Variants in LEKR1 observed in about 807,000 individuals in gnomAD.
LEKR1 encodes the protein protein LEKR1.
LEKR1 carries 59 observed loss-of-function variants against 72.4 expected under a neutral mutation model. The observed-to-expected ratio is 0.82, with a 90% CI of 0.66 to 1.01. The LOEUF (loss-of-function observed/expected upper bound fraction) is 1.01. LEKR1 is among the 50% of genes least tolerant of loss of function. The pLI, the probability that LEKR1 is intolerant of heterozygous loss-of-function variation, is 0.00. For missense variants in LEKR1, 728 were observed against 759.2 expected (o/e 0.96, Z 0.48); for synonymous variants, 257 against 263.2 (o/e 0.98, Z 0.23).
chr3:156,828,368 G>T (rs1391984758), intron 1 of LEKR1, among the ~76,000 whole-genome samples: 2 of 152,152 alleles, frequency 1.3e-5, no homozygotes, highest in East Asian at 1.9e-4. Context: ...ATCCTGCCCT[G>T]ATTGAATACA....
At chr3:156,887,424 A>G (rs1217699193) in intron 3 of LEKR1, among the ~76,000 whole-genome samples, 2 of 152,026 alleles carry the variant, frequency 1.3e-5, no homozygotes, top group Non-Finnish European at 2.9e-5. Flanking sequence ...CAAATTTTAC[A>G]TTAGTAAAAA....
intron 3 of LEKR1, among the ~76,000 whole-genome samples, chr3:156,883,655 T>C (rs59239896): frequency 0.025 from 3,782 of 152,240 alleles, 151 homozygotes; most frequent in East Asian, 0.16. Context: ...GATCTGATAG[T>C]TTTATAAGGG....
At chr3:156,921,698 A>G (rs543670745) in intron 4 of LEKR1, among the ~76,000 whole-genome samples, 1 of 152,228 alleles carries the variant, frequency 6.6e-6, no homozygotes, top group African/African-American at 2.4e-5. Context: ...GGCTTCTGTA[A>G]TAGCTTTGGC....
intron 6 of LEKR1, among the ~76,000 whole-genome samples, chr3:156,966,573 G>A (rs1440030719): frequency 4.6e-5 from 7 of 152,186 alleles, no homozygotes; most frequent in African/African-American, 7.2e-5. Context: ...TGGCAGTGAG[G>A]CTGGGGGAGG....
At chr3:156,844,868 G>A (rs1296084181) in intron 2 of LEKR1, among the ~76,000 whole-genome samples, 1 of 150,236 alleles carries the variant, frequency 6.7e-6, no homozygotes, top group Non-Finnish European at 1.5e-5. Flanking sequence ...GGGATAAATG[G>A]CCAAGAGTTC....
chr3:156,998,561 A>G (rs1381907498), intron 9 of LEKR1, among the ~76,000 whole-genome samples: 1 of 152,172 alleles, frequency 6.6e-6, no homozygotes, highest in Non-Finnish European at 1.5e-5. Flanking sequence ...GATGGGAACA[A>G]TGAAGAATGT....
intron 12 of LEKR1, among the ~76,000 whole-genome samples, chr3:157,029,525 G>A (rs1252577634): frequency 1.3e-5 from 2 of 152,108 alleles, no homozygotes; most frequent in Admixed American, 6.6e-5. Flanking sequence ...TTCTGCTTCT[G>A]TATTTCACAG....
chr3:156,925,060 AT>A (rs1297267042), intron 4 of LEKR1: 1 of 152,058 alleles, frequency 6.6e-6, no homozygotes, highest in Non-Finnish European at 1.5e-5. Context: ...GTATCTTTCA[AT>A]TCATGAATGT....
intron 3 of LEKR1, among the ~76,000 whole-genome samples, chr3:156,887,631 G>C (rs1720242700): frequency 7.0e-6 from 1 of 142,434 alleles, no homozygotes; most frequent in Non-Finnish European, 1.6e-5. Flanking sequence ...AATTGCTCAG[G>C]AGAGAGAGCA....
At chr3:156,909,746 A>C (rs991750690) in intron 3 of LEKR1, among the ~76,000 whole-genome samples, 2 of 151,964 alleles carry the variant, frequency 1.3e-5, no homozygotes, top group African/African-American at 4.8e-5. Flanking sequence ...GTATTAATAC[A>C]TCCCATTATG....
chr3:156,878,294 G>T (rs940820297), intron 3 of LEKR1, among the ~76,000 whole-genome samples: 1 of 151,942 alleles, frequency 6.6e-6, no homozygotes, highest in African/African-American at 2.4e-5. Context: ...CACTGTTTTT[G>T]CTGTATCCCA....
intron 3 of LEKR1, among the ~76,000 whole-genome samples, chr3:156,859,503 A>G (rs1716503365): frequency 6.6e-6 from 1 of 152,168 alleles, no homozygotes; most frequent in South Asian, 2.1e-4. Flanking sequence ...GAAAGTTTTC[A>G]TATAACACAG....
At chr3:156,902,763 T>C (rs1010261875) in intron 3 of LEKR1, among the ~76,000 whole-genome samples, 1 of 152,126 alleles carries the variant, frequency 6.6e-6, no homozygotes, top group African/African-American at 2.4e-5. Context: ...ATACAAATCA[T>C]GTTTCCTGTT....
chr3:156,899,339 TAC>T (rs1180338328), intron 3 of LEKR1, among the ~76,000 whole-genome samples: 5 of 122,576 alleles, frequency 4.1e-5, no homozygotes, highest in South Asian at 4.4e-4. Context: ...TATACATATA[TAC>T]ACATATATAC....
At chr3:156,991,500 A>G (rs1731142893) in intron 7 of LEKR1, among the ~76,000 whole-genome samples, 1 of 152,156 alleles carries the variant, frequency 6.6e-6, no homozygotes, top group African/African-American at 2.4e-5. Context: ...GTGATTTACA[A>G]GCTATTTTGA....
intron 10 of LEKR1, among the ~76,000 whole-genome samples, chr3:157,021,568 A>T (rs1051127834): frequency 2.6e-5 from 4 of 152,136 alleles, no homozygotes; most frequent in Non-Finnish European, 4.4e-5. Context: ...TCCTTCTGTC[A>T]TCTAATTTTT....
At chr3:156,846,013 A>G (rs1446236636) in intron 2 of LEKR1, among the ~76,000 whole-genome samples, 1 of 151,916 alleles carries the variant, frequency 6.6e-6, no homozygotes, top group East Asian at 1.9e-4. Flanking sequence ...AGTTTTCAGC[A>G]TACGAATCTT....
chr3:156,984,887 C>G (rs1281355237), intron 7 of LEKR1, among the ~76,000 whole-genome samples: 2 of 151,970 alleles, frequency 1.3e-5, no homozygotes, highest in Non-Finnish European at 2.9e-5. Context: ...CTTGGCCTTT[C>G]AACAGCATCT....
At chr3:156,916,913 A>G (rs555733120) in intron 3 of LEKR1, among the ~76,000 whole-genome samples, 1 of 152,244 alleles carries the variant, frequency 6.6e-6, no homozygotes, top group East Asian at 1.9e-4. Context: ...TTGATTATGA[A>G]CAGACAATAA....
Sources: gnomAD v4.1 joint callset for allele counts (sites outside exome capture counted in the v4.1 genomes callset) on GRCh38, gnomAD v4.1.1 for gene constraint, MANE v1.5 for transcripts, NCBI Gene and HGNC (gene_info 2026-07-23, HGNC 2026-07-21) for gene names.